Variants in LMO4 observed in about 807,000 individuals in gnomAD.
The protein encoded by LMO4 is LIM domain only 4.
LMO4 carries 3 observed loss-of-function variants against 18.5 expected under a neutral mutation model. That is an observed-to-expected ratio of 0.16 (90% confidence interval 0.07 to 0.42). LMO4 has a LOEUF of 0.42. Ranked by LOEUF, LMO4 falls within the 10% of genes least tolerant of loss-of-function variation. The pLI, the probability that LMO4 is intolerant of heterozygous loss-of-function variation, is 0.99. For missense variants in LMO4, 121 were observed against 219.9 expected, an observed-to-expected ratio of 0.55 and a Z score of 2.84; for synonymous variants, 100 against 88.1, an observed-to-expected ratio of 1.14 and a Z score of -0.76.
chr1:87,340,028 G>T lies in LMO4; in HGVS notation c.334-19G>T, dbSNP rs1363261187. On this transcript the variant is annotated intron_variant, in intron 3 of 4. Coordinates refer to ENST00000370544, the MANE Select transcript of LMO4 (RefSeq NM_006769.4). The stretch of plus-strand genomic sequence containing the variant: ...TTAATTTTTACCTTGTTTTCAGTGG[G>T]TTTGTTTTTCCCTTTCAGTGTTTTA... 3 of 1,606,638 alleles carry T rather than the reference G, an allele frequency of 1.9e-6. No homozygotes were observed. The highest frequency in any genetic ancestry group is 1.7e-6 in the Non-Finnish European group (2 of 1,176,974).
At chr1:87,339,925 A>C in intron 3 of LMO4, 122 bp from the exon 4 acceptor site, 1 of 1,133,542 alleles carries the variant, frequency 8.8e-7, no homozygotes, top group Non-Finnish European at 1.3e-6. Flanking sequence ...GGAAGAAAAA[A>C]CGCTAAACCC....
At chr1:87,338,695 TC>T (rs1650384186) in intron 2 of LMO4, among the ~76,000 whole-genome samples, 1 of 151,838 alleles carries the variant, frequency 6.6e-6, no homozygotes. Flanking sequence ...CTCCCCCTCC[TC>T]CCCCCATGGC....
intron 4 of LMO4, among the ~76,000 whole-genome samples, chr1:87,344,244 C>A (rs1650568759): frequency 6.6e-6 from 1 of 152,130 alleles, no homozygotes; most frequent in Non-Finnish European, 1.5e-5. Flanking sequence ...ATTTGTTGAA[C>A]TTTTATTAAG....
chr1:87,339,527 T>G lies in LMO4; in HGVS notation c.237-9T>G. On this transcript the variant is annotated splice_polypyrimidine_tract_variant and intron_variant, in intron 2 of 4. Coordinates refer to ENST00000370544, the MANE Select transcript of LMO4 (RefSeq NM_006769.4). Reference sequence around the variant, plus strand: ...ATTCACTGGTGTCAACCGTTATTCTTTGTTTCAGGTTATTTGGAAATAGCG... The same window carrying G: ...ATTCACTGGTGTCAACCGTTATTCTGTGTTTCAGGTTATTTGGAAATAGCG... The G allele has an allele frequency of 1.2e-6, 2 of 1,605,376 alleles. No individual in the cohort carries two copies. Among genetic ancestry groups the G allele is most frequent in the Non-Finnish European group, 1.7e-6 (2 of 1,172,178 alleles).
intron 2 of LMO4, among the ~76,000 whole-genome samples, chr1:87,335,252 C>T (rs1298829308): frequency 6.6e-6 from 1 of 152,202 alleles, no homozygotes; most frequent in South Asian, 2.1e-4. Context: ...ACCTCGGGCC[C>T]GAAGACTGGC....
At position 87,347,308 on chromosome 1, in the gene LMO4, C is replaced by T. The variant is rs1650662217; in HGVS notation, c.*2512C>T. On this transcript the variant is annotated 3_prime_UTR_variant, in exon 5 of 5. Transcript: ENST00000370544. ...AGTAGTAGTCTTGCTTTAGGTAAAA[C>T]ACTTTCTTGAAACCAGAGGCATTTC... The T allele has an allele frequency of 6.6e-6, 1 of 152,106 alleles. No individual in the cohort carries two copies. Among genetic ancestry groups the T allele is most frequent in the South Asian group, 2.1e-4 (1 of 4,822 alleles). 9.4% of individuals were successfully genotyped at this position (152,106 alleles called of 1,614,324 possible).
chr1:87,329,625 A>AC (rs551092359), intron 1 of LMO4, among the ~76,000 whole-genome samples: 30 of 150,886 alleles, frequency 2.0e-4, no homozygotes, highest in East Asian at 2.0e-3. Flanking sequence ...TAGTCACGAT[A>AC]CCCCCCCTCC....
Position 87,348,419 on chromosome 1 carries a change from T to C in LMO4, c.*3623T>C, listed in dbSNP as rs911658308. 3 of 291,152 alleles carry C rather than the reference T, an allele frequency of 1.0e-5. No homozygotes were observed. In the Admixed American group the frequency reaches 1.2e-4, roughly 12 times the overall value. The allele number at this position is 291,152 out of a possible 1,614,324, so 18.0% of individuals were successfully genotyped here. A position where few individuals can be genotyped will look rare whatever the true frequency, so the allele number is the denominator to read the frequency against. On this transcript the variant is annotated 3_prime_UTR_variant, in exon 5 of 5. Transcript: ENST00000370544. ...TGTTAGTGCAGCCAAGTCACAGAAG[T>C]GCTTATTGCAGTTAAATAGCAATTT... is the stretch of plus-strand genomic sequence containing the variant.
intron 2 of LMO4, among the ~76,000 whole-genome samples, chr1:87,333,424 C>CTACTAA (rs1650208389): frequency 6.6e-6 from 1 of 151,690 alleles, no homozygotes; most frequent in African/African-American, 2.4e-5. Context: ...AAATTTTTTT[C>CTACTAA]TTTCTTCAGT....
chr1:87,331,100 T>A (rs920102286), intron 1 of LMO4: 1 of 106,068 alleles, frequency 9.4e-6, no homozygotes, highest in African/African-American at 3.8e-5. Flanking sequence ...GGAACAAAGC[T>A]TTAGCATTTA....
intron 2 of LMO4, among the ~76,000 whole-genome samples, chr1:87,339,310 T>C (rs1650406326): frequency 6.6e-6 from 1 of 152,176 alleles, no homozygotes; most frequent in Non-Finnish European, 1.5e-5. Context: ...TAAGTCAATA[T>C]TTTGATTAAA....
In LMO4 at chr1:87,344,996, C is replaced by A; in HGVS notation, c.*200C>A. 2.6e-6 allele frequency: 1 copy of A among 388,358 alleles called. No homozygotes were observed. The highest frequency in any genetic ancestry group is 4.5e-5 in the East Asian group (1 of 22,110). 24.1% of individuals were successfully genotyped at this position (388,358 alleles called of 1,614,324 possible). On this transcript the variant is annotated 3_prime_UTR_variant, in exon 5 of 5. Transcript: ENST00000370544. ...GACTGAATATGAACATTAAGGACTC[C>A]ATGAACCTGGGCTAATGGGAGACTG...
intron 2 of LMO4, among the ~76,000 whole-genome samples, chr1:87,333,942 C>CAA (rs78559370): frequency 0.074 from 8,146 of 109,816 alleles, 235 homozygotes; most frequent in Middle Eastern, 0.13. Flanking sequence ...CGAGTGCCTT[C>CAA]AAAAAAAAAA....
chr1:87,336,053 C>G (rs950475211), intron 2 of LMO4, among the ~76,000 whole-genome samples: 1 of 113,622 alleles, frequency 8.8e-6, no homozygotes, highest in South Asian at 2.7e-4. Flanking sequence ...TATGCACAGC[C>G]CCCCTCTTAA....
chr1:87,329,097 C>T lies in LMO4; in HGVS notation c.-151C>T, dbSNP rs950771216. ...AAAAAAAAAAAAAGCCGCCCTTAGC[C>T]CCCTCCTCCCCTTTCCTGCTTCTGC... On this transcript the variant is annotated 5_prime_UTR_variant, in exon 1 of 5. Coordinates refer to ENST00000370544, the MANE Select transcript of LMO4 (RefSeq NM_006769.4). 2.6e-5 allele frequency: 4 copies of T among 151,888 alleles called. No individual in the cohort carries two copies. The highest frequency in any genetic ancestry group is 7.3e-5 in the African/African-American group (3 of 41,202). The allele number at this position is 151,888 out of a possible 1,614,324, so 9.4% of individuals were successfully genotyped here.
intron 4 of LMO4, among the ~76,000 whole-genome samples, chr1:87,344,213 A>G (rs1650568214): frequency 6.6e-6 from 1 of 152,236 alleles, no homozygotes; most frequent in Non-Finnish European, 1.5e-5. Context: ...GGATATCGGA[A>G]TAATAATGAT....
intron 2 of LMO4, among the ~76,000 whole-genome samples, chr1:87,339,110 AT>A (rs893127188): frequency 6.6e-6 from 1 of 152,224 alleles, no homozygotes; most frequent in African/African-American, 2.4e-5. Flanking sequence ...TAGATATACA[AT>A]CAAATCCTCT....
intron 4 of LMO4, 120 bp from the exon 5 acceptor site, chr1:87,344,668 G>T: frequency 1.0e-6 from 1 of 981,676 alleles, no homozygotes; most frequent in Non-Finnish European, 1.6e-6. Context: ...AGTCACAGTT[G>T]GAAAGTAATC....
rs549991177 is a variant in LMO4 at position 87,338,693 on chromosome 1, C to T, written c.237-843C>T. Among the ~76,000 whole-genome samples the T allele has an allele frequency of 2.0e-4, 31 of 152,302 alleles. No individual in the cohort carries two copies. The South Asian group carries it at 6.2e-3, about 31-fold the overall frequency. ...TCTGCAGCCTTTTCCTTCTCCCCCT[C>T]CTCCCCCCATGGCAGATGTTGTGGT... On this transcript the variant is annotated intron_variant, in intron 2 of 4. Coordinates refer to ENST00000370544, the MANE Select transcript of LMO4 (RefSeq NM_006769.4).
Sources: gnomAD v4.1 joint callset for allele counts (sites outside exome capture counted in the v4.1 genomes callset) on GRCh38, gnomAD v4.1.1 for gene constraint, MANE v1.5 for transcripts, NCBI Gene and HGNC (gene_info 2026-07-23, HGNC 2026-07-21) for gene names.